HPS6: variants seen among roughly 807,000 people sequenced by gnomAD.
HPS6 encodes BLOC-2 complex member HPS6.
HPS6 carries 46 observed loss-of-function variants against 53.6 expected under a neutral mutation model. The ratio of observed to expected loss-of-function variants is 0.86; its 90% CI spans 0.68 to 1.10. HPS6 has a LOEUF of 1.10. HPS6 is among the 50% of genes least tolerant of loss of function. The pLI is 0.00. For missense variants in HPS6, 1,034 were observed against 991.3 expected, an observed-to-expected ratio of 1.04 and a Z score of -0.58; for synonymous variants, 535 against 470.8, an observed-to-expected ratio of 1.14 and a Z score of -1.77.
chr10:102,066,589 G>A lies in HPS6; in HGVS notation c.1115G>A (p.Arg372Gln), dbSNP rs1323195795. 3 of 1,614,004 alleles carry A rather than the reference G, an allele frequency of 1.9e-6. No individual in the cohort carries two copies. Among genetic ancestry groups the A allele is most frequent in the Non-Finnish European group, 2.5e-6 (3 of 1,180,064 alleles). ...GAGGATGAGGAAGAGCTGGAGACCC[G>A]AGGGAATCTTCGTCTGCTTTCAGCC... ...GMEDEEELET[R>Q]GNLRLLSALG... Residue 372 changes from arginine (R) to glutamine (Q), a missense_variant, in exon 1 of 1, where the codon CGA becomes CAA. By Grantham distance (43) the Arg-to-Gln change is conservative (BLOSUM62 1). Coordinates refer to ENST00000299238, the MANE Select transcript of HPS6 (RefSeq NM_024747.6).
In HPS6 at chr10:102,066,165, C is replaced by CCACG. The variant is rs2136334195; in HGVS notation, c.692_695dup (p.Leu233ThrfsTer8). The CCACG allele has an allele frequency of 1.2e-6, 2 of 1,613,784 alleles. No individual in the cohort carries two copies. Among genetic ancestry groups the CCACG allele is most frequent in the South Asian group, 2.2e-5 (2 of 91,078 alleles). ...CAAGGGCAAAGTGATGGTGGCTGCC[C>CCACG]CACGGCTTGGTCTCTCCTACAGTAA... On this transcript the variant is annotated frameshift_variant, in exon 1 of 1. Coordinates refer to ENST00000299238, the MANE Select transcript of HPS6 (RefSeq NM_024747.6). LOFTEE classifies it high-confidence loss of function.
chr10:102,066,011 C>CCCA lies in HPS6; in HGVS notation c.538_539insCAC (p.Gly179_Arg180insPro). On this transcript the variant is annotated inframe_insertion, in exon 1 of 1. Coordinates refer to ENST00000299238, the MANE Select transcript of HPS6 (RefSeq NM_024747.6). Reference sequence around the variant, plus strand: ...GCGGGGAAGCTAGCACCAGCCTGGGCCGCACACACGTCCTGCTGCACCACT... The same window carrying CCCA: ...GCGGGGAAGCTAGCACCAGCCTGGGCCCACGCACACACGTCCTGCTGCACCACT... The CCCA allele has an allele frequency of 6.2e-7, 1 of 1,604,296 alleles. No individual in the cohort carries two copies.
In HPS6 at chr10:102,065,433, G is replaced by T; in HGVS notation, c.-42G>T. On this transcript the variant is annotated 5_prime_UTR_variant, in exon 1 of 1. Coordinates refer to ENST00000299238, the MANE Select transcript of HPS6 (RefSeq NM_024747.6). ...TCGGGCCTCGCCCTGCTGGGCGGCT[G>T]GACCTGGGCAAAGCCTGGGCGCGCT... 6.6e-7 allele frequency: 1 copy of T among 1,524,130 alleles called. No individual in the cohort carries two copies. The highest frequency in any genetic ancestry group is 1.2e-5 in the South Asian group (1 of 82,316). 94.4% of individuals were successfully genotyped at this position (1,524,130 alleles called of 1,614,324 possible).
chr10:102,066,142 A>G lies in HPS6; in HGVS notation c.668A>G (p.Lys223Arg). 1.2e-6 allele frequency: 2 copies of G among 1,613,822 alleles called. No individual in the cohort carries two copies. The highest frequency in any genetic ancestry group is 1.7e-6 in the Non-Finnish European group (2 of 1,180,028). ...GTTCTACTCATCTGGAGCCCAGGCA[A>G]GGGCAAAGTGATGGTGGCTGCCCCA... ...AHVLLIWSPGKGKVMVAAPRL... is the reference protein window; with the variant it reads ...AHVLLIWSPGRGKVMVAAPRL... Residue 223 changes from lysine to arginine, a missense_variant, in exon 1 of 1, where the codon AAG becomes AGG. Coordinates refer to ENST00000299238, the MANE Select transcript of HPS6 (RefSeq NM_024747.6).
At position 102,066,429 on chromosome 10, in the gene HPS6, A is replaced by C; in HGVS notation, c.955A>C (p.Thr319Pro). 6.2e-7 allele frequency: 1 copy of C among 1,614,094 alleles called. No individual in the cohort carries two copies. Among genetic ancestry groups the C allele is most frequent in the South Asian group, 1.1e-5 (1 of 91,084 alleles). The stretch of plus-strand genomic sequence containing the variant: ...CCCGTGGGGGTCTGCAGCCCTAGGC[A>C]CATTTCAGGGCACTCTGGCCTGTGT... ...VGPWGSAALGTFQGTLACVLG... is the reference protein window; with the variant it reads ...VGPWGSAALGPFQGTLACVLG... Residue 319 changes from threonine (T) to proline (P), a missense_variant, in exon 1 of 1, where the codon ACA becomes CCA. Thr to Pro is a conservative substitution (Grantham distance 38). Coordinates refer to ENST00000299238, the MANE Select transcript of HPS6 (RefSeq NM_024747.6).
rs1564899020 is a variant in HPS6, at chr10:102,065,767, G to A, written c.293G>A (p.Ser98Asn). The A allele has an allele frequency of 1.3e-6, 2 of 1,500,824 alleles. No homozygotes were observed. The highest frequency in any genetic ancestry group is 1.8e-6 in the Non-Finnish European group (2 of 1,133,214). 93.0% of individuals were successfully genotyped at this position (1,500,824 alleles called of 1,614,324 possible). A position where few individuals can be genotyped will look rare whatever the true frequency, so the allele number is the denominator to read the frequency against. Residue 98 changes from serine (S) to asparagine (N), a missense_variant, in exon 1 of 1, where the codon AGT (serine) becomes AAT (asparagine). Ser to Asn is a conservative substitution (Grantham distance 46). Transcript: ENST00000299238. ...ARPALVLVWE[S>N]GLAEVWGAGV... ...CCGGCGCTGGTGCTGGTGTGGGAGA[G>A]TGGCCTGGCCGAGGTGTGGGGCGCG... is the stretch of plus-strand genomic sequence containing the variant.
Position 102,066,576 on chromosome 10 carries a change from G to A in HPS6, c.1102G>A (p.Glu368Lys), listed in dbSNP as rs1221923314. The change falls in exon 1 of 1, where the codon GAG becomes AAG. Residue 368 changes from glutamate (E) to lysine (K), a missense_variant. By Grantham distance (56) the Glu-to-Lys change is moderately conservative. Coordinates refer to ENST00000299238, the MANE Select transcript of HPS6 (RefSeq NM_024747.6). ...PPAPGMEDEEELETRGNLRLL... is the reference protein window; with the variant it reads ...PPAPGMEDEEKLETRGNLRLL... The stretch of plus-strand genomic sequence containing the variant: ...AGCCCCCGGCATGGAGGATGAGGAA[G>A]AGCTGGAGACCCGAGGGAATCTTCG... 2 of 1,614,170 alleles carry A rather than the reference G, an allele frequency of 1.2e-6. No homozygotes were observed. The highest frequency in any genetic ancestry group is 1.7e-6 in the Non-Finnish European group (2 of 1,180,046).
chr10:102,066,501 C>G lies in HPS6; in HGVS notation c.1027C>G (p.Leu343Val). Residue 343 changes from leucine to valine, a missense_variant, in exon 1 of 1, where the codon CTG becomes GTG. Coordinates refer to ENST00000299238, the MANE Select transcript of HPS6 (RefSeq NM_024747.6). ...GCTGGACATGGGCAGTGGGCAGCTG[C>G]TGGAGAGGAAGGTCCTAAGTACAGA... ...ELLDMGSGQL[L>V]ERKVLSTDRV... 6.2e-7 allele frequency: 1 copy of G among 1,614,190 alleles called. No homozygotes were observed. The highest frequency in any genetic ancestry group is 8.5e-7 in the Non-Finnish European group (1 of 1,180,028).
chr10:102,065,705 C>T lies in HPS6; in HGVS notation c.231C>T (p.Ser77=), dbSNP rs764644286. 1.7e-4 allele frequency: 256 copies of T among 1,509,684 alleles called. No homozygotes were observed. The highest frequency in any genetic ancestry group is 2.2e-4 in the Non-Finnish European group (254 of 1,137,370). The allele number at this position is 1,509,684 out of a possible 1,614,324, so 93.5% of individuals were successfully genotyped here. Residue 77 remains serine, a synonymous_variant, in exon 1 of 1, where the codon TCC becomes TCT. Transcript: ENST00000299238. ...GGGCCTGGCCGGCCGGCCAGCCCTCCCCGCTGGACGCCTTCTTCCTGCCGT... is the reference window on the plus strand; with the variant it reads ...GGGCCTGGCCGGCCGGCCAGCCCTCTCCGCTGGACGCCTTCTTCCTGCCGT... ...LERAWPAGQP[S]PLDAFFLPWP...
chr10:102,065,899 A>G lies in HPS6; in HGVS notation c.425A>G (p.Glu142Gly). The G allele has an allele frequency of 6.5e-7, 1 of 1,541,634 alleles. No homozygotes were observed. The highest frequency in any genetic ancestry group is 8.7e-7 in the Non-Finnish European group (1 of 1,150,834). ...CTCCGAGGCCGCCTGGTGTGGTGCG[A>G]GGAGCGGCAGGCCCGGGCCGAGGGC... Reference protein sequence around the residue: ...AALRGRLVWCEERQARAEGPS... With the variant: ...AALRGRLVWCGERQARAEGPS... Residue 142 changes from glutamate (E) to glycine (G), a missense_variant, in exon 1 of 1, where the codon GAG (glutamate) becomes GGG (glycine). Transcript: ENST00000299238.
In HPS6 at chr10:102,066,099, T is replaced by G. The variant is rs535164100; in HGVS notation, c.625T>G (p.Trp209Gly). Residue 209 changes from tryptophan (W) to glycine (G), a missense_variant, in exon 1 of 1, where the codon TGG becomes GGG. Transcript: ENST00000299238. ...QLFLVPTATTWPGVAHVLLIW... is the reference protein window; with the variant it reads ...QLFLVPTATTGPGVAHVLLIW... ...CTTCCTGGTGCCCACTGCCACCACC[T>G]GGCCTGGCGTGGCCCACGTTCTACT... is the stretch of plus-strand genomic sequence containing the variant. The G allele has an allele frequency of 6.2e-7, 1 of 1,613,408 alleles. No homozygotes were observed. Among genetic ancestry groups the G allele is most frequent in the African/African-American group, 1.3e-5 (1 of 75,070 alleles).
chr10:102,067,542 C>T lies in HPS6; in HGVS notation c.2068C>T (p.Leu690Phe). Residue 690 changes from leucine to phenylalanine, a missense_variant, in exon 1 of 1, where the codon CTC (leucine) becomes TTC (phenylalanine). By Grantham distance (22) the Leu-to-Phe change is conservative (BLOSUM62 0). Coordinates refer to ENST00000299238, the MANE Select transcript of HPS6 (RefSeq NM_024747.6). ...QHRRLDAHLP[L>F]LCRLCPPELA... ...CCGCCGGCTTGATGCTCACCTCCCC[C>T]TCCTTTGCCGCCTGTGCCCACCAGA... 3.1e-6 allele frequency: 5 copies of T among 1,613,730 alleles called. No individual in the cohort carries two copies. The highest frequency in any genetic ancestry group is 4.2e-6 in the Non-Finnish European group (5 of 1,180,038).
rs1465531602 is a variant in HPS6 at position 102,067,923 on chromosome 10, A to C, written c.*121A>C. 8.1e-7 allele frequency: 1 copy of C among 1,239,788 alleles called. No individual in the cohort carries two copies. Among genetic ancestry groups the C allele is most frequent in the Non-Finnish European group, 1.2e-6 (1 of 847,778 alleles). The allele number at this position is 1,239,788 out of a possible 1,614,324, so 76.8% of individuals were successfully genotyped here. On this transcript the variant is annotated 3_prime_UTR_variant, in exon 1 of 1. Transcript: ENST00000299238. ...CATTTCTAGGACACAGTGATCAGGG[A>C]AGGGTGCCTGGGACTTGGAGGGTCC...
rs1284088509 is a variant in HPS6, at chr10:102,067,267, G to A, written c.1793G>A (p.Gly598Glu). 8.7e-6 allele frequency: 14 copies of A among 1,612,846 alleles called. No homozygotes were observed. Among genetic ancestry groups the A allele is most frequent in the Non-Finnish European group, 1.2e-5 (14 of 1,179,820 alleles). The change falls in exon 1 of 1, where the codon GGG becomes GAG. Residue 598 changes from glycine to glutamate, a missense_variant. Transcript: ENST00000299238. ...QQQGGPGWGA[G>E]GPGLPLYRRA... is the part of the protein sequence containing the mutation. ...CAGGGCGGGCCGGGCTGGGGGGCAG[G>A]GGGCCCAGGACTGCCCCTGTATCGC...
rs2067968151 is a variant in HPS6, at chr10:102,066,153, A to T, written c.679A>T (p.Met227Leu). Residue 227 changes from methionine to leucine, a missense_variant, in exon 1 of 1, where the codon ATG (methionine) becomes TTG (leucine). Physicochemically the swap from Met to Leu is conservative, Grantham distance 15 (BLOSUM62 2). Coordinates refer to ENST00000299238, the MANE Select transcript of HPS6 (RefSeq NM_024747.6). ...CTGGAGCCCAGGCAAGGGCAAAGTGATGGTGGCTGCCCCACGGCTTGGTCT... is the reference window on the plus strand; with the variant it reads ...CTGGAGCCCAGGCAAGGGCAAAGTGTTGGTGGCTGCCCCACGGCTTGGTCT... ...LIWSPGKGKV[M>L]VAAPRLGLSY... 1 of 1,613,706 alleles carries T rather than the reference A, an allele frequency of 6.2e-7. No individual in the cohort carries two copies. Among genetic ancestry groups the T allele is most frequent in the Non-Finnish European group, 8.5e-7 (1 of 1,180,056 alleles).
In HPS6 at chr10:102,067,291, G is replaced by A. The variant is rs780449497; in HGVS notation, c.1817G>A (p.Arg606His). Residue 606 changes from arginine to histidine, a missense_variant, in exon 1 of 1, where the codon CGC (arginine) becomes CAC (histidine). Coordinates refer to ENST00000299238, the MANE Select transcript of HPS6 (RefSeq NM_024747.6). The part of the protein sequence containing the change: ...GAGGPGLPLY[R>H]RALAVLGEEG... ...GGGGGCCCAGGACTGCCCCTGTATC[G>A]CCGAGCTCTGGCAGTGCTAGGTGAG... is the stretch of plus-strand genomic sequence containing the variant. 28 of 1,612,782 alleles carry A rather than the reference G, an allele frequency of 1.7e-5. No individual in the cohort carries two copies. The highest frequency in any genetic ancestry group is 5.5e-5 in the South Asian group (5 of 91,076).
chr10:102,067,376 A>G lies in HPS6; in HGVS notation c.1902A>G (p.Lys634=), dbSNP rs959860897. The change falls in exon 1 of 1, where the codon AAA becomes AAG. Residue 634 remains lysine, a synonymous_variant. Transcript: ENST00000299238. The part of the protein sequence containing the change: ...LELLLSSGRP[K]AVLQAVGQLV... ...TGCTCTTGAGCAGTGGGCGGCCTAA[A>G]GCTGTGCTCCAAGCTGTCGGGCAGC... is the stretch of plus-strand genomic sequence containing the variant. The G allele has an allele frequency of 6.2e-7, 1 of 1,613,026 alleles. No individual in the cohort carries two copies. Among genetic ancestry groups the G allele is most frequent in the Non-Finnish European group, 8.5e-7 (1 of 1,179,998 alleles).
chr10:102,067,702 CTG>C lies in HPS6; in HGVS notation c.2229_2230del (p.Ala745SerfsTer13), dbSNP rs763698320. ...TTGCTCAAAGCCCTGCTGGAGCAGA[CTG>C]GGGCTCAAGGATGGCTGTCGGGCCC... On this transcript the variant is annotated frameshift_variant, in exon 1 of 1. Transcript: ENST00000299238. LOFTEE classifies it high-confidence loss of function. The C allele has an allele frequency of 9.3e-6, 15 of 1,613,760 alleles. No individual in the cohort carries two copies. Among genetic ancestry groups the C allele is most frequent in the Admixed American group, 8.3e-5 (5 of 60,028 alleles).
At position 102,067,379 on chromosome 10, in the gene HPS6, T is replaced by C; in HGVS notation, c.1905T>C (p.Ala635=). 1 of 1,613,024 alleles carries C rather than the reference T, an allele frequency of 6.2e-7. No homozygotes were observed. The highest frequency in any genetic ancestry group is 1.1e-5 in the South Asian group (1 of 91,090). Residue 635 remains alanine, a synonymous_variant, in exon 1 of 1, where the codon GCT becomes GCC. Coordinates refer to ENST00000299238, the MANE Select transcript of HPS6 (RefSeq NM_024747.6). Reference sequence around the variant, plus strand: ...TCTTGAGCAGTGGGCGGCCTAAAGCTGTGCTCCAAGCTGTCGGGCAGCTGG... The same window carrying C: ...TCTTGAGCAGTGGGCGGCCTAAAGCCGTGCTCCAAGCTGTCGGGCAGCTGG... ...ELLLSSGRPK[A]VLQAVGQLVQ...
Sources: allele counts gnomAD v4.1 joint callset, GRCh38; gene constraint gnomAD v4.1.1; transcripts MANE v1.5; gene names NCBI Gene and HGNC (gene_info 2026-07-23, HGNC 2026-07-21).